FASTKD3: variants seen among roughly 807,000 people sequenced by gnomAD.
FASTKD3 encodes FAST kinase domain-containing protein 3, mitochondrial.
Under a neutral mutation model 49.7 loss-of-function variants are expected in FASTKD3, and 47 were observed. The ratio of observed to expected loss-of-function variants is 0.95; its 90% confidence interval spans 0.75 to 1.21. The LOEUF (loss-of-function observed/expected upper bound fraction) is 1.21, where lower values mean the gene tolerates loss of function less well. Among genes scored for constraint, FASTKD3 ranks in the 50% most tolerant of loss-of-function variants. The pLI is 0.00. For synonymous variants in FASTKD3, 284 were observed against 288.6 expected, an observed-to-expected ratio of 0.98 and a Z score of 0.16; for missense variants, 748 against 765.7, an observed-to-expected ratio of 0.98 and a Z score of 0.27.
rs1397144369 is a variant in FASTKD3, at chr5:7,867,749, G to A, written c.335C>T (p.Ser112Leu). Reference protein sequence around the residue: ...FYRRLSNLTSSEEVLSFISTM... With the variant: ...FYRRLSNLTSLEEVLSFISTM... ...GCTTATAAAACTTAGCACTTCTTCT[G>A]ATGAAGTCAAGTTGCTCAGTCTCCT... is the stretch of plus-strand genomic sequence containing the variant. Residue 112 changes from serine to leucine, a missense_variant, in exon 2 of 7, where the codon TCA (serine) becomes TTA (leucine). Transcript: ENST00000264669. 3.1e-6 allele frequency: 5 copies of A among 1,614,038 alleles called. No homozygotes were observed. In the Admixed American group the frequency reaches 6.7e-5, roughly 22 times the overall value.
chr5:7,865,771 G>C (rs1280671974), intron 3 of FASTKD3, 127 bp downstream of exon 3: 5 of 668,064 alleles, frequency 7.5e-6, no homozygotes, highest in Admixed American at 2.3e-5. Context: ...AGCCTATCTG[G>C]TGGCAACTGA....
chr5:7,868,097 C>A lies in FASTKD3; in HGVS notation c.-14G>T. 6.7e-7 allele frequency: 1 copy of A among 1,499,132 alleles called. No individual in the cohort carries two copies. Among genetic ancestry groups the A allele is most frequent in the South Asian group, 1.2e-5 (1 of 81,704 alleles). 92.9% of individuals were successfully genotyped at this position (1,499,132 alleles called of 1,614,324 possible). A position where few individuals can be genotyped will look rare whatever the true frequency, so the allele number is the denominator to read the frequency against. ...GATTAATGCCATACCATCAGATTCT[C>A]AATTTGATAACTAAATTAAAAAATT... is the stretch of plus-strand genomic sequence containing the variant. On this transcript the variant is annotated 5_prime_UTR_variant, in exon 2 of 7. Coordinates refer to ENST00000264669, the MANE Select transcript of FASTKD3 (RefSeq NM_024091.4).
At chr5:7,866,616 T>C (rs773596657) in intron 2 of FASTKD3, 30 bp downstream of exon 2, 4 of 1,509,654 alleles carry the variant, frequency 2.6e-6, no homozygotes, top group Non-Finnish European at 3.6e-6. Context: ...GTTACTTTTT[T>C]CCAACTGTCA....
At chr5:7,861,721 C>CCTTTG in intron 4 of FASTKD3, 69 bp from the exon 5 acceptor site, 1 of 1,552,390 alleles carries the variant, frequency 6.4e-7, no homozygotes, top group Non-Finnish European at 8.7e-7. Flanking sequence ...TGTATTCATT[C>CCTTTG]CTTTGCTTTG....
chr5:7,862,623 T>C (rs1297112325), intron 4 of FASTKD3, among the ~76,000 whole-genome samples, 200 bp downstream of exon 4: 1 of 152,142 alleles, frequency 6.6e-6, no homozygotes, highest in African/African-American at 2.4e-5. Flanking sequence ...GATATTCTGC[T>C]ACTACGTGGC....
intron 6 of FASTKD3, among the ~76,000 whole-genome samples, chr5:7,860,301 A>T (rs1746444208): frequency 6.6e-6 from 1 of 152,202 alleles, no homozygotes; most frequent in Non-Finnish European, 1.5e-5. Flanking sequence ...GCTCATTCTC[A>T]CGCACTGCTG....
rs1460626592 is a variant in FASTKD3, at chr5:7,866,722, T to C, written c.1362A>G (p.Ser454=). The C allele has an allele frequency of 3.7e-6, 6 of 1,613,458 alleles. No homozygotes were observed. The highest frequency in any genetic ancestry group is 3.3e-5 in the South Asian group (3 of 90,754). Residue 454 remains serine, a synonymous_variant, in exon 2 of 7, where the codon TCA becomes TCG. Coordinates refer to ENST00000264669, the MANE Select transcript of FASTKD3 (RefSeq NM_024091.4). ...PPKSLLKLLH[S]CSLNECHPVN... is the part of the protein sequence containing the mutation. ...CTGGATGGCATTCATTAAGTGAACA[T>C]GAATGAAGAAGTTTCAATAATGATT...
chr5:7,864,377 T>C (rs746857280), intron 3 of FASTKD3, among the ~76,000 whole-genome samples: 1 of 152,144 alleles, frequency 6.6e-6, no homozygotes, highest in Non-Finnish European at 1.5e-5. Flanking sequence ...TTTTTAAAAA[T>C]GTAAAATATT....
At chr5:7,864,823 T>C (rs868380666) in intron 3 of FASTKD3, among the ~76,000 whole-genome samples, 1 of 147,674 alleles carries the variant, frequency 6.8e-6, no homozygotes, top group Non-Finnish European at 1.5e-5. Flanking sequence ...AAAAAAAATC[T>C]GCCAGTATCC....
Position 7,867,930 on chromosome 5 carries a change from G to C in FASTKD3, c.154C>G (p.Pro52Ala). The C allele has an allele frequency of 6.2e-7, 1 of 1,614,066 alleles. No homozygotes were observed. Among genetic ancestry groups the C allele is most frequent in the Non-Finnish European group, 8.5e-7 (1 of 1,180,012 alleles). Reference sequence around the variant, plus strand: ...GCATGATGGAATTTGACCCCGAAAGGCTCAGGTTGTCGTGAACACAACCAA... The same window carrying C: ...GCATGATGGAATTTGACCCCGAAAGCCTCAGGTTGTCGTGAACACAACCAA... ...CPWLCSRQPE[P>A]FGVKFHHAHC... Residue 52 changes from proline to alanine, a missense_variant, in exon 2 of 7, where the codon CCT becomes GCT. Pro to Ala is a conservative substitution (Grantham distance 27, BLOSUM62 -1). Transcript: ENST00000264669.
chr5:7,861,266 G>C lies in FASTKD3; in HGVS notation c.1770-3C>G. ...GACCATCAATACACAGTGCTATCCT[G>C]AAAAATAAAAAAGGAGAAAAATACT... On this transcript the variant is annotated splice_region_variant and splice_polypyrimidine_tract_variant and intron_variant, in intron 5 of 6. Transcript: ENST00000264669. 1 of 1,464,602 alleles carries C rather than the reference G, an allele frequency of 6.8e-7. No homozygotes were observed. The highest frequency in any genetic ancestry group is 2.1e-5 in the Admixed American group (1 of 47,194). The allele number at this position is 1,464,602 out of a possible 1,614,324, so 90.7% of individuals were successfully genotyped here.
intron 4 of FASTKD3, chr5:7,861,864 T>C (rs1746572676): frequency 9.6e-7 from 1 of 1,041,778 alleles, no homozygotes; most frequent in African/African-American, 1.6e-5. Flanking sequence ...TTAAGAAAGC[T>C]CAATAACGCT....
At position 7,861,652 on chromosome 5, in the gene FASTKD3, T is replaced by C; in HGVS notation, c.1700A>G (p.Asp567Gly). 6.2e-7 allele frequency: 1 copy of C among 1,608,636 alleles called. No individual in the cohort carries two copies. The highest frequency in any genetic ancestry group is 2.2e-5 in the East Asian group (1 of 44,762). Residue 567 changes from aspartate to glycine, a missense_variant and splice_region_variant, in exon 5 of 7, where the codon GAT becomes GGT. Asp to Gly is a moderately conservative substitution (Grantham distance 94). Transcript: ENST00000264669. ...KVLTPYCYTIDVEIKLDEEGF... is the reference protein window; with the variant it reads ...KVLTPYCYTIGVEIKLDEEGF... ...TTCTTCATCTAATTTAATTTCAACA[T>C]CTGGTGAGAGAAGAAAGGAAAAATT... is the stretch of plus-strand genomic sequence containing the variant.
intron 6 of FASTKD3, among the ~76,000 whole-genome samples, chr5:7,860,022 C>T (rs1416590177): frequency 6.6e-6 from 1 of 152,136 alleles, no homozygotes; most frequent in African/African-American, 2.4e-5. Flanking sequence ...AGGAGAGAGT[C>T]TGCTCAGCTG....
intron 3 of FASTKD3, 45 bp downstream of exon 3, chr5:7,865,853 C>T (rs371910336): frequency 7.0e-7 from 1 of 1,426,260 alleles, no homozygotes; most frequent in East Asian, 2.3e-5. Context: ...TAAAAGGAAA[C>T]TGCACCCATG....
At position 7,867,703 on chromosome 5, in the gene FASTKD3, G is replaced by A. The variant is rs1747101837; in HGVS notation, c.381C>T (p.Asp127=). The change falls in exon 2 of 7, where the codon GAC becomes GAT. Residue 127 remains aspartate, a synonymous_variant. Transcript: ENST00000264669. ...GTTGTAAAGCTCCTGCTGCCATAGT[G>A]TCAGGCAGGGTTTCCATCGTGCTTA... The part of the protein sequence containing the change: ...SFISTMETLP[D]TMAAGALQRI... 6.2e-7 allele frequency: 1 copy of A among 1,614,174 alleles called. No homozygotes were observed. The highest frequency in any genetic ancestry group is 8.5e-7 in the Non-Finnish European group (1 of 1,180,032).
intron 6 of FASTKD3, among the ~76,000 whole-genome samples, chr5:7,860,800 C>A (rs970941421): frequency 6.6e-5 from 10 of 152,156 alleles, no homozygotes; most frequent in Non-Finnish European, 1.5e-4. Context: ...CTTGTAGAAG[C>A]TTCTACTACA....
At chr5:7,861,741 C>T in intron 4 of FASTKD3, 89 bp from the exon 5 acceptor site, 1 of 1,527,940 alleles carries the variant, frequency 6.5e-7, no homozygotes, top group Non-Finnish European at 8.8e-7. Context: ...GCTTTGATTC[C>T]TTCCACCTTG....
rs375491136 is a variant in FASTKD3 at position 7,867,862 on chromosome 5, A to T, written c.222T>A (p.His74Gln). Residue 74 changes from histidine to glutamine, a missense_variant, in exon 2 of 7, where the codon CAT becomes CAA. Physicochemically the swap from His to Gln is conservative, Grantham distance 24. This residue lies in a region of FASTKD3 where 564 missense variants were observed against 562.8 expected (regional missense o/e 1.00). Transcript: ENST00000264669. ...KFHSKNGNDL[H>Q]PLGGPVFSQV... Reference sequence around the variant, plus strand: ...GAGAGAACACTGGTCCACCGAGTGGATGAAGGTCATTTCCATTTTTCGAAT... The same window carrying T: ...GAGAGAACACTGGTCCACCGAGTGGTTGAAGGTCATTTCCATTTTTCGAAT... 1.2e-6 allele frequency: 2 copies of T among 1,614,084 alleles called. No homozygotes were observed. Among genetic ancestry groups the T allele is most frequent in the African/African-American group, 1.3e-5 (1 of 74,924 alleles).
Sources: allele counts gnomAD v4.1 joint callset (sites outside exome capture counted in the v4.1 genomes callset), GRCh38; gene constraint gnomAD v4.1.1; regional missense constraint gnomAD v4.1.1; transcripts MANE v1.5; gene names NCBI Gene and HGNC (gene_info 2026-07-23, HGNC 2026-07-21).